The following HHLA1 variants were observed in gnomAD, a reference collection of about 807,000 sequenced individuals.
HHLA1 encodes the protein HHLA1 neighbor of OC90.
Under a neutral mutation model 69.9 loss-of-function variants are expected in HHLA1, and 72 were observed. The observed-to-expected ratio is 1.03, with a 90% CI of 0.85 to 1.25. The LOEUF (loss-of-function observed/expected upper bound fraction) is 1.25, where lower values mean the gene tolerates loss of function less well. Among genes scored for constraint, HHLA1 ranks in the 50% most tolerant of loss-of-function variants. The pLI, the probability that HHLA1 is intolerant of heterozygous loss-of-function variation, is 0.00. For missense variants in HHLA1, 685 were observed against 642.2 expected (o/e 1.07, Z -0.72); for synonymous variants, 252 against 233.2 (o/e 1.08, Z -0.73).
chr8:132,079,195 T>C (rs746909535), intron 11 of HHLA1, among the ~76,000 whole-genome samples: 2 of 152,356 alleles, frequency 1.3e-5, no homozygotes, highest in African/African-American at 4.8e-5. Context: ...CTGCAGGTCA[T>C]TGGCGGCAGC....
chr8:132,089,736 AG>A (rs1823916430), intron 7 of HHLA1, 137 bp from the exon 8 acceptor site: 3 of 625,030 alleles, frequency 4.8e-6, no homozygotes, highest in Non-Finnish European at 8.6e-6. Context: ...ACAATGATAC[AG>A]AGAAATACTA....
rs199808141 is a variant in HHLA1 at position 132,070,585 on chromosome 8, TCTCAA to T, written c.1469+750_1469+754del. 1.8e-3 allele frequency among the ~76,000 whole-genome samples: 268 copies of T among 152,136 alleles called. 2 individuals are homozygous for T. The highest frequency in any genetic ancestry group is 6.1e-3 in the African/African-American group (254 of 41,464). On this transcript the variant is annotated intron_variant, in intron 15 of 16. Transcript: ENST00000414222. ...TCTAAACTCAACACAATTCAACTTA[TCTCAA>T]CTCAACTCAACTCATCTCAACTCAA... is the stretch of plus-strand genomic sequence containing the variant.
At chr8:132,106,583 G>A (rs117971632) in intron 1 of HHLA1, among the ~76,000 whole-genome samples, 1 of 152,342 alleles carries the variant, frequency 6.6e-6, no homozygotes, top group East Asian at 1.9e-4. Context: ...TGAATCCAGA[G>A]CATTTAACCC....
At chr8:132,094,926 G>A (rs1358832814) in intron 7 of HHLA1, among the ~76,000 whole-genome samples, 1 of 152,116 alleles carries the variant, frequency 6.6e-6, no homozygotes, top group Non-Finnish European at 1.5e-5. Flanking sequence ...CTCTAAAATA[G>A]GGAACACATA....
Position 132,063,782 on chromosome 8 carries a change from C to A in HHLA1, c.*213G>T. ...GGCATTACTGTATTAATTGTGAGGC[C>A]TCTAACAAGAAAACTTCTACCTTCA... On this transcript the variant is annotated 3_prime_UTR_variant, in exon 17 of 17. Coordinates refer to ENST00000414222, the MANE Select transcript of HHLA1 (RefSeq NM_001145095.3). The A allele has an allele frequency of 4.8e-6, 1 of 210,444 alleles. No individual in the cohort carries two copies. Among genetic ancestry groups the A allele is most frequent in the Non-Finnish European group, 1.0e-5 (1 of 96,966 alleles). The allele number at this position is 210,444 out of a possible 1,614,324, so 13.0% of individuals were successfully genotyped here.
intron 10 of HHLA1, among the ~76,000 whole-genome samples, chr8:132,087,219 G>GC (rs1425527064): frequency 1.3e-5 from 2 of 152,236 alleles, no homozygotes; most frequent in African/African-American, 4.8e-5. Context: ...GCCCAATGTG[G>GC]CACAGAGGGG....
intron 1 of HHLA1, among the ~76,000 whole-genome samples, chr8:132,106,786 G>T (rs1337765949): frequency 2.6e-5 from 4 of 152,216 alleles, no homozygotes; most frequent in African/African-American, 9.6e-5. Flanking sequence ...TGGACAGGGA[G>T]AGAGAGAGTG....
chr8:132,087,950 T>C, intron 8 of HHLA1, 49 bp from the exon 9 acceptor site: 1 of 1,364,168 alleles, frequency 7.3e-7, no homozygotes, highest in Non-Finnish European at 1.0e-6. Context: ...GGTCTGAAGC[T>C]GTAAGTCTTT....
At chr8:132,082,979 A>G (rs1454142378) in intron 10 of HHLA1, among the ~76,000 whole-genome samples, 2 of 151,220 alleles carry the variant, frequency 1.3e-5, no homozygotes, top group Non-Finnish European at 2.9e-5. Context: ...GGGATGGGAT[A>G]TTGGCATTGA....
chr8:132,095,719 A>C lies in HHLA1; in HGVS notation c.348T>G (p.Ser116=). Residue 116 remains serine (S), a synonymous_variant, in exon 6 of 17, where the codon TCT becomes TCG. Coordinates refer to ENST00000414222, the MANE Select transcript of HHLA1 (RefSeq NM_001145095.3). ...AGCACTCACTGTTGTAAACAGCTAC[A>C]GAAAACTTGTGGAAGGCGAAGGAAC... ...SYSSFAFHKF[S]VAVYNISNLK... 6.4e-7 allele frequency: 1 copy of C among 1,551,298 alleles called. No individual in the cohort carries two copies. The highest frequency in any genetic ancestry group is 8.7e-7 in the Non-Finnish European group (1 of 1,146,822).
chr8:132,090,370 G>A (rs1823928202), intron 7 of HHLA1, among the ~76,000 whole-genome samples: 1 of 152,162 alleles, frequency 6.6e-6, no homozygotes, highest in Non-Finnish European at 1.5e-5. Context: ...TCTAAACAAG[G>A]CGAATGTGTT....
chr8:132,095,421 A>G (rs145978119), intron 7 of HHLA1, 98 bp downstream of exon 7: 5 of 739,962 alleles, frequency 6.8e-6, no homozygotes, highest in Non-Finnish European at 1.2e-5. Context: ...GGATAGGACC[A>G]TATTTTCCTG....
intron 14 of HHLA1, among the ~76,000 whole-genome samples, chr8:132,073,558 G>T (rs1367365657): frequency 1.3e-5 from 2 of 152,140 alleles, no homozygotes; most frequent in Non-Finnish European, 2.9e-5. Context: ...GACACAGAGG[G>T]TCTGAGTAAC....
At chr8:132,098,540 C>T (rs1425164039) in intron 5 of HHLA1, among the ~76,000 whole-genome samples, 1 of 152,182 alleles carries the variant, frequency 6.6e-6, no homozygotes, top group Non-Finnish European at 1.5e-5. Context: ...CAGCTCACTA[C>T]AGCCTCGACC....
chr8:132,095,944 A>G (rs546805861), intron 5 of HHLA1, among the ~76,000 whole-genome samples, 158 bp from the exon 6 acceptor site: 1 of 152,224 alleles, frequency 6.6e-6, no homozygotes, highest in East Asian at 1.9e-4. Context: ...AAAAATAATA[A>G]ACAAAGTAAA....
At chr8:132,071,173 G>C (rs1173541244) in intron 15 of HHLA1, among the ~76,000 whole-genome samples, 167 bp downstream of exon 15, 1 of 152,202 alleles carries the variant, frequency 6.6e-6, no homozygotes, top group Admixed American at 6.5e-5. Flanking sequence ...TCAAGGATGT[G>C]ACTGTCTAGT....
At chr8:132,108,939 G>A (rs867463565) in intron 1 of HHLA1, among the ~76,000 whole-genome samples, 1 of 152,142 alleles carries the variant, frequency 6.6e-6, no homozygotes, top group South Asian at 2.1e-4. Context: ...TCCACAAATC[G>A]GTCACCTTAT....
At chr8:132,097,992 A>G (rs1824050364) in intron 5 of HHLA1, among the ~76,000 whole-genome samples, 2 of 152,110 alleles carry the variant, frequency 1.3e-5, no homozygotes. Context: ...CCTATTTATT[A>G]TGTTTATTGT....
intron 16 of HHLA1, among the ~76,000 whole-genome samples, chr8:132,064,378 A>T (rs537713871): frequency 6.6e-6 from 1 of 152,360 alleles, no homozygotes; most frequent in South Asian, 2.1e-4. Context: ...CAGTAAATGT[A>T]ATACGTTGTG....
Sources: gnomAD v4.1 joint callset for allele counts (sites outside exome capture counted in the v4.1 genomes callset) on GRCh38, gnomAD v4.1.1 for gene constraint, MANE v1.5 for transcripts, NCBI Gene and HGNC (gene_info 2026-07-23, HGNC 2026-07-21) for gene names.